The following FUT9 variants were observed in gnomAD, a reference collection of about 807,000 sequenced individuals.
The protein encoded by FUT9 is fucosyltransferase 9.
Under a neutral mutation model 29.7 loss-of-function variants are expected in FUT9, and 15 were observed. That is an observed-to-expected ratio of 0.51 (90% CI 0.34 to 0.78). The LOEUF (loss-of-function observed/expected upper bound fraction) is 0.78. Among genes scored for constraint, FUT9 ranks in the 30% least tolerant of loss-of-function variants. FUT9 has a pLI of 0.01. For missense variants in FUT9, 319 were observed against 425.4 expected, an observed-to-expected ratio of 0.75 and a Z score of 2.20; for synonymous variants, 169 against 153.7, an observed-to-expected ratio of 1.10 and a Z score of -0.74.
chr6:96,172,314 G>A (rs1482857969), intron 2 of FUT9, among the ~76,000 whole-genome samples: 8 of 152,140 alleles, frequency 5.3e-5, no homozygotes, highest in Non-Finnish European at 5.9e-5. Flanking sequence ...TAATCTGCGT[G>A]AGCTAACTTG....
At chr6:96,055,605 T>C (rs1242005327) in intron 1 of FUT9, among the ~76,000 whole-genome samples, 1 of 152,004 alleles carries the variant, frequency 6.6e-6, no homozygotes, top group Non-Finnish European at 1.5e-5. Context: ...CATGGGGGTT[T>C]GTTGTACCGG....
chr6:96,040,543 A>G (rs1175683520), intron 1 of FUT9, among the ~76,000 whole-genome samples: 1 of 152,164 alleles, frequency 6.6e-6, no homozygotes, highest in African/African-American at 2.4e-5. Flanking sequence ...CAGGCAATTG[A>G]GCCGGCATTT....
At position 96,206,455 on chromosome 6, in the gene FUT9, T is replaced by C. The variant is rs543899190; in HGVS notation, c.*2220T>C. ...ACTGCTAACAAGTTTAGAAAGCACC[T>C]GCTTTTTTTTATTATTATTATTTTT... On this transcript the variant is annotated 3_prime_UTR_variant, in exon 3 of 3. Coordinates refer to ENST00000302103, the MANE Select transcript of FUT9 (RefSeq NM_006581.4). The C allele has an allele frequency of 1.8e-5, 3 of 166,980 alleles. No individual in the cohort carries two copies. The South Asian group carries it at 6.2e-4, about 35-fold the overall frequency. 10.3% of individuals were successfully genotyped at this position (166,980 alleles called of 1,614,324 possible).
At chr6:96,029,942 C>A (rs1770232375) in intron 1 of FUT9, among the ~76,000 whole-genome samples, 1 of 151,528 alleles carries the variant, frequency 6.6e-6, no homozygotes, top group South Asian at 2.1e-4. Context: ...AATTTACCAA[C>A]AACAATCCCA....
At chr6:96,042,834 T>A (rs1349855382) in intron 1 of FUT9, among the ~76,000 whole-genome samples, 1 of 152,134 alleles carries the variant, frequency 6.6e-6, no homozygotes, top group African/African-American at 2.4e-5. Flanking sequence ...CATAAGAAAA[T>A]TAGAGTTTAG....
At chr6:96,073,513 G>C (rs903661261) in intron 1 of FUT9, among the ~76,000 whole-genome samples, 1 of 151,840 alleles carries the variant, frequency 6.6e-6, no homozygotes, top group Non-Finnish European at 1.5e-5. Context: ...TGCAACGCAA[G>C]TAAAGGCCTA....
At chr6:96,139,732 C>T (rs764211198) in intron 2 of FUT9, among the ~76,000 whole-genome samples, 2 of 152,130 alleles carry the variant, frequency 1.3e-5, no homozygotes, top group Non-Finnish European at 2.9e-5. Flanking sequence ...GGAGCTTGCA[C>T]CCTCTGAAGC....
chr6:96,158,832 T>C (rs539174075), intron 2 of FUT9, among the ~76,000 whole-genome samples: 4 of 152,158 alleles, frequency 2.6e-5, no homozygotes, highest in Non-Finnish European at 5.9e-5. Flanking sequence ...CTCAGAACTT[T>C]AACATCATTT....
intron 1 of FUT9, among the ~76,000 whole-genome samples, chr6:96,033,972 T>C (rs370988059): frequency 1.1e-4 from 16 of 150,722 alleles, no homozygotes; most frequent in African/African-American, 3.6e-4. Flanking sequence ...AAAAAAACCC[T>C]CCAAAATTTA....
intron 1 of FUT9, among the ~76,000 whole-genome samples, chr6:96,104,100 A>G (rs1771635829): frequency 6.6e-6 from 1 of 152,246 alleles, no homozygotes; most frequent in Non-Finnish European, 1.5e-5. Flanking sequence ...AGAAGTTTAT[A>G]ACACAAATGT....
intron 2 of FUT9, among the ~76,000 whole-genome samples, chr6:96,172,334 T>G (rs1773126707): frequency 6.6e-6 from 1 of 152,114 alleles, no homozygotes; most frequent in South Asian, 2.1e-4. Context: ...GAATGAAAAA[T>G]TTCTTTTAAC....
intron 2 of FUT9, among the ~76,000 whole-genome samples, chr6:96,152,210 T>C (rs1039761206): frequency 6.6e-6 from 1 of 152,192 alleles, no homozygotes. Flanking sequence ...TCTGTCATAG[T>C]TTTTACCTAT....
At position 96,205,368 on chromosome 6, in the gene FUT9, A is replaced by G. The variant is rs1486837886; in HGVS notation, c.*1133A>G. On this transcript the variant is annotated 3_prime_UTR_variant, in exon 3 of 3. Transcript: ENST00000302103. Reference sequence around the variant, plus strand: ...CAATGCACATTTGTTGGATGAATAAATAAATGCAATTGAATTCCCAGAAAA... The same window carrying G: ...CAATGCACATTTGTTGGATGAATAAGTAAATGCAATTGAATTCCCAGAAAA... 6.0e-6 allele frequency: 1 copy of G among 167,102 alleles called. No homozygotes were observed. Among genetic ancestry groups the G allele is most frequent in the Admixed American group, 6.5e-5 (1 of 15,286 alleles). The allele number at this position is 167,102 out of a possible 1,614,324, so 10.4% of individuals were successfully genotyped here.
chr6:96,161,228 A>T (rs1772894703), intron 2 of FUT9, among the ~76,000 whole-genome samples: 1 of 152,150 alleles, frequency 6.6e-6, no homozygotes, highest in African/African-American at 2.4e-5. Flanking sequence ...GGGTGATTAG[A>T]TCATGAGTAC....
chr6:96,130,799 C>CTTGTT (rs1772228631), intron 2 of FUT9, among the ~76,000 whole-genome samples: 1 of 152,164 alleles, frequency 6.6e-6, no homozygotes, highest in Non-Finnish European at 1.5e-5. Flanking sequence ...TTCTAAAACT[C>CTTGTT]TTACAATGTA....
Position 96,207,339 on chromosome 6 carries a change from T to C in FUT9, c.*3104T>C. On this transcript the variant is annotated 3_prime_UTR_variant, in exon 3 of 3. Coordinates refer to ENST00000302103, the MANE Select transcript of FUT9 (RefSeq NM_006581.4). ...TCTTTTCAATCGCATTCATAACTTA[T>C]TATAGAATTATGTCTCAATTTTTAC... is the stretch of plus-strand genomic sequence containing the variant. The C allele has an allele frequency of 6.0e-6, 1 of 167,146 alleles. No individual in the cohort carries two copies. The allele number at this position is 167,146 out of a possible 1,614,324, so 10.4% of individuals were successfully genotyped here. A position where few individuals can be genotyped will look rare whatever the true frequency, so the allele number is the denominator to read the frequency against.
intron 1 of FUT9, among the ~76,000 whole-genome samples, chr6:96,043,102 AGT>A (rs1770493241): frequency 6.6e-6 from 1 of 152,176 alleles, no homozygotes; most frequent in African/African-American, 2.4e-5. Flanking sequence ...CCCAGGCTGG[AGT>A]GCGGTGGCGC....
chr6:96,135,591 A>C (rs1220474239), intron 2 of FUT9, among the ~76,000 whole-genome samples: 3 of 151,926 alleles, frequency 2.0e-5, no homozygotes, highest in Non-Finnish European at 4.4e-5. Flanking sequence ...TATACTGCAT[A>C]AAGACATGCA....
At chr6:96,073,743 TG>T (rs1182776939) in intron 1 of FUT9, among the ~76,000 whole-genome samples, 1 of 152,170 alleles carries the variant, frequency 6.6e-6, no homozygotes, top group Non-Finnish European at 1.5e-5. Context: ...GGGCCCAAGA[TG>T]GTGCTTTAAC....
Sources: allele counts gnomAD v4.1 joint callset (sites outside exome capture counted in the v4.1 genomes callset), GRCh38; gene constraint gnomAD v4.1.1; transcripts MANE v1.5; gene names NCBI Gene and HGNC (gene_info 2026-07-23, HGNC 2026-07-21).